Variants in LEKR1 observed in about 807,000 individuals in gnomAD.
The protein encoded by LEKR1 is protein LEKR1.
LEKR1 carries 59 observed loss-of-function variants against 72.4 expected under a neutral mutation model. The ratio of observed to expected loss-of-function variants is 0.82; its 90% CI spans 0.66 to 1.01. The LOEUF (loss-of-function observed/expected upper bound fraction) is 1.01, where lower values mean the gene tolerates loss of function less well. Ranked by LOEUF, LEKR1 falls within the 50% of genes least tolerant of loss-of-function variation. The pLI is 0.00. For missense variants in LEKR1, 728 were observed against 759.2 expected (o/e 0.96, Z 0.48); for synonymous variants, 257 against 263.2 (o/e 0.98, Z 0.23).
At position 156,937,459 on chromosome 3, in the gene LEKR1, C is replaced by T. The variant is rs79315721; in HGVS notation, c.560-5070C>T. ...ATTAGCCATGAGCAAAATGCAAAAC[C>T]ACAATTAAATACAACTACACATTTA... On this transcript the variant is annotated intron_variant, in intron 5 of 12. Transcript: ENST00000356539. Among the ~76,000 whole-genome samples the T allele has an allele frequency of 2.6e-3, 401 of 152,088 alleles. 15 individuals are homozygous for T. The East Asian group carries it at 0.07, about 27-fold the overall frequency.
intron 4 of LEKR1, among the ~76,000 whole-genome samples, chr3:156,923,593 G>T (rs1040878013): frequency 3.6e-4 from 55 of 152,168 alleles, no homozygotes; most frequent in African/African-American, 1.3e-3. Context: ...TATTTGGATT[G>T]TTTCCACTTG....
chr3:156,899,491 TAC>T (rs1721661847), intron 3 of LEKR1, among the ~76,000 whole-genome samples: 1 of 126,284 alleles, frequency 7.9e-6, no homozygotes, highest in African/African-American at 3.2e-5. Flanking sequence ...CATACATATA[TAC>T]ACATATATAC....
intron 3 of LEKR1, among the ~76,000 whole-genome samples, chr3:156,884,386 T>A (rs751382255): frequency 1.3e-5 from 2 of 152,202 alleles, no homozygotes; most frequent in African/African-American, 2.4e-5. Flanking sequence ...GTAAGATTTA[T>A]CTTTTAAGGA....
intron 3 of LEKR1, among the ~76,000 whole-genome samples, chr3:156,869,940 G>A (rs918964994): frequency 1.1e-4 from 16 of 151,850 alleles, no homozygotes; most frequent in African/African-American, 2.2e-4. Context: ...CAATTTTCCC[G>A]GTACCATTTA....
chr3:156,888,479 T>A (rs1478390996), intron 3 of LEKR1: 1 of 678,926 alleles, frequency 1.5e-6, no homozygotes, highest in Admixed American at 2.0e-5. Context: ...AGTCAATGGA[T>A]TTATTATGAT....
intron 12 of LEKR1, among the ~76,000 whole-genome samples, chr3:157,041,376 C>G (rs1735327337): frequency 2.0e-5 from 3 of 152,118 alleles, no homozygotes; most frequent in Admixed American, 2.0e-4. Context: ...AGGGATCTTC[C>G]TTTCATGCAG....
chr3:157,036,088 A>T (rs1458454762), intron 12 of LEKR1, among the ~76,000 whole-genome samples: 1 of 152,234 alleles, frequency 6.6e-6, no homozygotes, highest in Admixed American at 6.5e-5. Flanking sequence ...ATCACCAATT[A>T]TTTGAGAAAC....
chr3:156,960,709 T>TTAAA lies in LEKR1; in HGVS notation c.745+17998_745+17999insATAA, dbSNP rs546872190. 4.5e-3 allele frequency among the ~76,000 whole-genome samples: 678 copies of TTAAA among 152,326 alleles called. 2 individuals carry two copies. Among genetic ancestry groups the TTAAA allele is most frequent in the African/African-American group, 0.016 (655 of 41,580 alleles). On this transcript the variant is annotated intron_variant, in intron 6 of 12. Transcript: ENST00000356539. ...ATGCTCAAAAATTTAAATACATGTGTTAATTCTGGTGCATATAGTTTAATA... is the reference window on the plus strand; with the variant it reads ...ATGCTCAAAAATTTAAATACATGTGTTAAATAATTCTGGTGCATATAGTTTAATA...
intron 4 of LEKR1, among the ~76,000 whole-genome samples, chr3:156,923,383 A>G (rs559234032): frequency 6.6e-6 from 1 of 152,274 alleles, no homozygotes; most frequent in Non-Finnish European, 1.5e-5. Flanking sequence ...TTCTCTTTCT[A>G]TAGATTTATA....
chr3:156,989,873 G>A (rs61358859), intron 7 of LEKR1, among the ~76,000 whole-genome samples: 4,309 of 151,378 alleles, frequency 0.028, 161 homozygotes, highest in East Asian at 0.18. Context: ...TTCCTGAACC[G>A]TTTTGAGGAT....
At chr3:156,918,841 AC>A (rs1186825911) in intron 3 of LEKR1, among the ~76,000 whole-genome samples, 1 of 152,120 alleles carries the variant, frequency 6.6e-6, no homozygotes, top group African/African-American at 2.4e-5. Flanking sequence ...TTTTTTAATA[AC>A]CCTTTTAGTC....
intron 12 of LEKR1, among the ~76,000 whole-genome samples, chr3:157,034,043 C>T (rs1445230008): frequency 1.8e-5 from 2 of 112,846 alleles, no homozygotes; most frequent in East Asian, 3.1e-4. Flanking sequence ...TTGATACCTA[C>T]TGTTCAGAAA....
chr3:156,877,468 C>CT (rs1718742960), intron 3 of LEKR1, among the ~76,000 whole-genome samples: 1 of 151,840 alleles, frequency 6.6e-6, no homozygotes, highest in African/African-American at 2.4e-5. Context: ...TTGTTGGCAA[C>CT]TTTTTTACTA....
At chr3:156,933,397 G>A (rs1173122947) in intron 5 of LEKR1, among the ~76,000 whole-genome samples, 2 of 152,090 alleles carry the variant, frequency 1.3e-5, no homozygotes, top group East Asian at 1.9e-4. Flanking sequence ...TTCCAAAGTG[G>A]TTGTTCCTTT....
At chr3:156,948,713 G>A (rs536510629) in intron 6 of LEKR1, among the ~76,000 whole-genome samples, 27 of 151,366 alleles carry the variant, frequency 1.8e-4, no homozygotes, top group Non-Finnish European at 3.1e-4. Flanking sequence ...TCAAATGGTA[G>A]TTCTGCTTTT....
At chr3:156,963,168 C>T (rs1021939914) in intron 6 of LEKR1, among the ~76,000 whole-genome samples, 34 of 152,166 alleles carry the variant, frequency 2.2e-4, no homozygotes, top group African/African-American at 7.5e-4. Context: ...ATTTATTAGG[C>T]ACCTGTCATA....
chr3:156,979,977 A>T (rs1292626064), intron 7 of LEKR1: 1 of 152,084 alleles, frequency 6.6e-6, no homozygotes, highest in East Asian at 1.9e-4. Flanking sequence ...TCATGCCACT[A>T]CACTCCAGCC....
intron 10 of LEKR1, chr3:157,017,301 G>C (rs1468515948): frequency 6.6e-6 from 1 of 152,194 alleles, no homozygotes; most frequent in African/African-American, 2.4e-5. Flanking sequence ...GGATAAAAAT[G>C]CAACACCTTA....
intron 3 of LEKR1, among the ~76,000 whole-genome samples, chr3:156,918,034 C>A (rs962698298): frequency 6.6e-6 from 1 of 151,994 alleles, no homozygotes; most frequent in Non-Finnish European, 1.5e-5. Flanking sequence ...AATGATGGTA[C>A]CCAGAAAACT....
Sources: allele counts gnomAD v4.1 joint callset (sites outside exome capture counted in the v4.1 genomes callset), GRCh38; gene constraint gnomAD v4.1.1; transcripts MANE v1.5; gene names NCBI Gene and HGNC (gene_info 2026-07-23, HGNC 2026-07-21).